Variants in PM20D2 observed in about 807,000 individuals in gnomAD.
The protein encoded by PM20D2 is xaa-Arg dipeptidase.
PM20D2 carries 33 observed loss-of-function variants against 42.9 expected under a neutral mutation model. The ratio of observed to expected loss-of-function variants is 0.77; its 90% confidence interval spans 0.58 to 1.03. PM20D2 has a LOEUF of 1.03. PM20D2 is among the 50% of genes least tolerant of loss of function. PM20D2 has a pLI of 0.00. For synonymous variants in PM20D2, 250 were observed against 228.2 expected, an observed-to-expected ratio of 1.10 and a Z score of -0.86; for missense variants, 548 against 557.0, an observed-to-expected ratio of 0.98 and a Z score of 0.16.
chr6:89,112,863 TA>T, the PM20D2 span, among the ~76,000 whole-genome samples: 1 of 152,304 alleles, frequency 6.6e-6, no homozygotes, highest in East Asian at 1.9e-4. Flanking sequence ...GTGTACCTTT[TA>T]AAAAATCTTT....
At chr6:89,151,234 C>CTTT (rs543608362) in intron 2 of PM20D2, among the ~76,000 whole-genome samples, 1 of 133,262 alleles carries the variant, frequency 7.5e-6, no homozygotes, top group African/African-American at 2.8e-5. Context: ...CTTAAAAATT[C>CTTT]TTTTTTTTTT....
chr6:89,103,799 T>C, the PM20D2 span, among the ~76,000 whole-genome samples: 1 of 152,146 alleles, frequency 6.6e-6, no homozygotes, highest in Non-Finnish European at 1.5e-5. Context: ...ATTATTCTAA[T>C]AGAAATAAAC....
At chr6:89,095,216 C>T in the PM20D2 span, among the ~76,000 whole-genome samples, 1 of 152,196 alleles carries the variant, frequency 6.6e-6, no homozygotes, top group East Asian at 1.9e-4. Context: ...ATTTTTAAAT[C>T]TAAGAAATTA....
At chr6:89,131,196 T>C in the PM20D2 span, among the ~76,000 whole-genome samples, 1 of 152,046 alleles carries the variant, frequency 6.6e-6, no homozygotes, top group Non-Finnish European at 1.5e-5. Flanking sequence ...ATTAATCTAT[T>C]AACCCATGAA....
At chr6:89,102,992 C>G in the PM20D2 span, among the ~76,000 whole-genome samples, 1 of 152,186 alleles carries the variant, frequency 6.6e-6, no homozygotes, top group Non-Finnish European at 1.5e-5. Context: ...CTCTCAAATT[C>G]CTGGACTCAA....
intron 3 of PM20D2, 33 bp from the exon 4 acceptor site, chr6:89,154,715 A>G (rs1432558282): frequency 6.3e-6 from 9 of 1,425,784 alleles, no homozygotes; most frequent in Non-Finnish European, 8.4e-6. Flanking sequence ...ATGGTCACCA[A>G]GCTTAATTCT....
chr6:89,150,209 C>G (rs1582336751), intron 2 of PM20D2, among the ~76,000 whole-genome samples: 1 of 152,206 alleles, frequency 6.6e-6, no homozygotes, highest in East Asian at 1.9e-4. Flanking sequence ...TTACCAGGCC[C>G]TGTTTTCAAA....
intron 2 of PM20D2, among the ~76,000 whole-genome samples, chr6:89,151,234 C>CT (rs543608362): frequency 0.33 from 43,627 of 133,140 alleles, 7,546 homozygotes; most frequent in African/African-American, 0.44. Context: ...CTTAAAAATT[C>CT]TTTTTTTTTT....
At chr6:89,143,262 A>G (rs773700029), upstream of PM20D2, among the ~76,000 whole-genome samples, 7 of 152,176 alleles carry the variant, frequency 4.6e-5, no homozygotes, top group Non-Finnish European at 8.8e-5. Context: ...AATACCCAGT[A>G]TAGTTGTACA....
chr6:89,098,607 G>C, the PM20D2 span: 4 of 1,612,104 alleles, frequency 2.5e-6, no homozygotes, highest in South Asian at 4.4e-5. Context: ...CGATAACTTC[G>C]AGATCTGGAA....
chr6:89,133,884 G>A, the PM20D2 span, among the ~76,000 whole-genome samples: 1 of 151,300 alleles, frequency 6.6e-6, no homozygotes. Context: ...TTTTATATGG[G>A]AGGGAAATAC....
the PM20D2 span, among the ~76,000 whole-genome samples, chr6:89,099,443 C>T: frequency 3.6e-5 from 5 of 138,742 alleles, no homozygotes; most frequent in Non-Finnish European, 1.5e-5. Flanking sequence ...TATATATACA[C>T]ATATATATGT....
intron 6 of PM20D2, 47 bp from the exon 7 acceptor site, chr6:89,162,062 T>C: frequency 6.3e-7 from 1 of 1,583,712 alleles, no homozygotes; most frequent in Non-Finnish European, 8.6e-7. Flanking sequence ...TGAAATTAAA[T>C]ACAGCTTAAA....
intron 4 of PM20D2, among the ~76,000 whole-genome samples, chr6:89,157,221 T>C (rs1771079891): frequency 6.6e-6 from 1 of 152,154 alleles, no homozygotes; most frequent in South Asian, 2.1e-4. Flanking sequence ...GTGAGCCACC[T>C]TGCCTGGCCT....
chr6:89,113,729 G>A, the PM20D2 span, among the ~76,000 whole-genome samples: 20 of 151,956 alleles, frequency 1.3e-4, no homozygotes, highest in Non-Finnish European at 2.2e-4. Flanking sequence ...CTGCAGCCTC[G>A]ACCACCTGGG....
chr6:89,110,973 G>T, the PM20D2 span, among the ~76,000 whole-genome samples: 3 of 152,044 alleles, frequency 2.0e-5, no homozygotes, highest in African/African-American at 7.2e-5. Context: ...AAAAAAATTA[G>T]CTGGGCGTGG....
chr6:89,107,931 T>C, the PM20D2 span, among the ~76,000 whole-genome samples: 88 of 152,292 alleles, frequency 5.8e-4, no homozygotes, highest in Middle Eastern at 3.4e-3. Context: ...ACCTAATAAG[T>C]AATTGTTTCA....
chr6:89,100,942 T>G, the PM20D2 span, among the ~76,000 whole-genome samples: 1 of 151,766 alleles, frequency 6.6e-6, no homozygotes, highest in Non-Finnish European at 1.5e-5. Flanking sequence ...CCATCTCTAC[T>G]AAAAATACAA....
intron 4 of PM20D2, among the ~76,000 whole-genome samples, chr6:89,156,518 T>G (rs928266146): frequency 5.9e-5 from 9 of 152,212 alleles, no homozygotes; most frequent in Non-Finnish European, 1.0e-4. Flanking sequence ...TTCTTATTAG[T>G]CTAGAGATGT....
Sources: allele counts gnomAD v4.1 joint callset (sites outside exome capture counted in the v4.1 genomes callset), GRCh38; gene constraint gnomAD v4.1.1; transcripts MANE v1.5; gene names NCBI Gene and HGNC (gene_info 2026-07-23, HGNC 2026-07-21).